The following EPHA3 variants were observed in gnomAD, a reference collection of about 807,000 sequenced individuals.
EPHA3 encodes the protein EPH receptor A3.
EPHA3 carries 42 observed loss-of-function variants against 107.1 expected under a neutral mutation model. That is an observed-to-expected ratio of 0.39 (90% CI 0.31 to 0.51). The LOEUF (loss-of-function observed/expected upper bound fraction) is 0.51. Ranked by LOEUF, EPHA3 falls within the 20% of genes least tolerant of loss-of-function variation. The pLI, the probability that EPHA3 is intolerant of heterozygous loss-of-function variation, is 0.78. For synonymous variants in EPHA3, 461 were observed against 424.8 expected, an observed-to-expected ratio of 1.09 and a Z score of -1.05; for missense variants, 1,183 against 1,211.2, an observed-to-expected ratio of 0.98 and a Z score of 0.35.
intron 2 of EPHA3, among the ~76,000 whole-genome samples, chr3:89,208,477 A>AGAAACAAG (rs1706179108): frequency 7.5e-6 from 1 of 133,286 alleles, no homozygotes; most frequent in African/African-American, 2.9e-5. Context: ...AAAGAAAGAA[A>AGAAACAAG]GAAAGAGAAA....
At chr3:89,121,625 C>T (rs1310422543) in intron 1 of EPHA3, among the ~76,000 whole-genome samples, 3 of 151,932 alleles carry the variant, frequency 2.0e-5, no homozygotes, top group African/African-American at 7.3e-5. Flanking sequence ...GGTGTGGTGG[C>T]ACACGCCTGT....
rs1057099291 is a variant in EPHA3, at chr3:89,130,928, G to A, written c.153+3655G>A. On this transcript the variant is annotated intron_variant, in intron 2 of 16. Coordinates refer to ENST00000336596, the MANE Select transcript of EPHA3 (RefSeq NM_005233.6). ...TGGGATTACAGGCGTGAGACACCGC[G>A]CCCGGTCCCTATCTCCATTTTTAAA... is the stretch of plus-strand genomic sequence containing the variant. 9.9e-5 allele frequency among the ~76,000 whole-genome samples: 15 copies of A among 152,242 alleles called. 1 individual carries two copies. Among genetic ancestry groups the A allele is most frequent in the Non-Finnish European group, 1.5e-5 (1 of 68,014 alleles).
intron 13 of EPHA3, among the ~76,000 whole-genome samples, chr3:89,440,716 G>C (rs1391400350): frequency 6.6e-6 from 1 of 152,200 alleles, no homozygotes; most frequent in Non-Finnish European, 1.5e-5. Context: ...CAAGGTTTTA[G>C]ACTCTCAACT....
At chr3:89,350,493 T>C (rs1707784012) in intron 5 of EPHA3, among the ~76,000 whole-genome samples, 1 of 151,068 alleles carries the variant, frequency 6.6e-6, no homozygotes, top group East Asian at 1.9e-4. Context: ...CTTCTCTGTA[T>C]TGGTTATTCT....
At chr3:89,416,831 T>C (rs2107525085) in intron 10 of EPHA3, among the ~76,000 whole-genome samples, 1 of 151,606 alleles carries the variant, frequency 6.6e-6, no homozygotes, top group South Asian at 2.1e-4. Context: ...AGAACACTCT[T>C]AATTGGCTCA....
At chr3:89,383,749 C>T (rs1379177439) in intron 5 of EPHA3, among the ~76,000 whole-genome samples, 1 of 148,062 alleles carries the variant, frequency 6.8e-6, no homozygotes, top group Non-Finnish European at 1.5e-5. Flanking sequence ...CCCGGGTTCA[C>T]GTCATTCTCC....
intron 11 of EPHA3, among the ~76,000 whole-genome samples, chr3:89,427,408 C>A (rs1709480597): frequency 6.6e-6 from 1 of 151,746 alleles, no homozygotes; most frequent in Admixed American, 6.6e-5. Flanking sequence ...GGCAAACTAA[C>A]CTCATGATAA....
At chr3:89,186,140 T>A (rs1210164784) in intron 2 of EPHA3, among the ~76,000 whole-genome samples, 1 of 151,958 alleles carries the variant, frequency 6.6e-6, no homozygotes, top group Non-Finnish European at 1.5e-5. Flanking sequence ...TAAATTATAG[T>A]CTTACATTCA....
chr3:89,171,894 T>C (rs1705217471), intron 2 of EPHA3, among the ~76,000 whole-genome samples: 1 of 152,162 alleles, frequency 6.6e-6, no homozygotes, highest in Non-Finnish European at 1.5e-5. Flanking sequence ...TAGCGGGTCA[T>C]TGTGTAAGCC....
chr3:89,220,451 G>A (rs1401792339), intron 3 of EPHA3, among the ~76,000 whole-genome samples: 1 of 152,184 alleles, frequency 6.6e-6, no homozygotes, highest in Non-Finnish European at 1.5e-5. Flanking sequence ...ATAGTGACAT[G>A]AAGATGGATA....
At chr3:89,139,956 A>C (rs545194476) in intron 2 of EPHA3, among the ~76,000 whole-genome samples, 1 of 151,978 alleles carries the variant, frequency 6.6e-6, no homozygotes, top group African/African-American at 2.4e-5. Context: ...ATCTGGAGAC[A>C]CAGCAGACAA....
chr3:89,296,759 C>T (rs1706363439), intron 3 of EPHA3, among the ~76,000 whole-genome samples: 1 of 152,164 alleles, frequency 6.6e-6, no homozygotes, highest in Non-Finnish European at 1.5e-5. Flanking sequence ...CTGTGAAAGT[C>T]TCAGATGGTA....
intron 3 of EPHA3, among the ~76,000 whole-genome samples, chr3:89,294,125 C>G (rs1417341950): frequency 1.3e-5 from 2 of 151,996 alleles, no homozygotes; most frequent in African/African-American, 2.4e-5. Context: ...TTCTCCTAAC[C>G]CAAAGTGACA....
At chr3:89,446,498 C>T (rs1459674296) in intron 13 of EPHA3, among the ~76,000 whole-genome samples, 1 of 152,118 alleles carries the variant, frequency 6.6e-6, no homozygotes, top group Non-Finnish European at 1.5e-5. Context: ...AATGAAACAA[C>T]TCTTCTGTGT....
chr3:89,120,801 A>G lies in EPHA3; in HGVS notation c.89-6408A>G, dbSNP rs563921333. On this transcript the variant is annotated intron_variant, in intron 1 of 16. Coordinates refer to ENST00000336596, the MANE Select transcript of EPHA3 (RefSeq NM_005233.6). ...TTCTATAAGATCTTTATAGAAATAA[A>G]TCCAAAATTATTGCCCAGGAGAAAA... 1.2e-3 allele frequency among the ~76,000 whole-genome samples: 176 copies of G among 152,320 alleles called. 2 individuals carry two copies. Among genetic ancestry groups the G allele is most frequent in the African/African-American group, 4.0e-3 (165 of 41,586 alleles).
chr3:89,389,123 C>A (rs1035220711), intron 5 of EPHA3, among the ~76,000 whole-genome samples: 2 of 152,064 alleles, frequency 1.3e-5, no homozygotes, highest in African/African-American at 4.8e-5. Context: ...GGATACACTG[C>A]AAATTGATAA....
chr3:89,232,476 A>C lies in EPHA3; in HGVS notation c.814+21956A>C, dbSNP rs553650107. 2.0e-5 allele frequency among the ~76,000 whole-genome samples: 3 copies of C among 152,292 alleles called. No individual in the cohort carries two copies. In the South Asian group the frequency reaches 6.2e-4, roughly 32 times the overall value. On this transcript the variant is annotated intron_variant, in intron 3 of 16. Transcript: ENST00000336596. ...TATGTTGGAAACAGAAAGGTGTCAG[A>C]GTCTTCAAATAATTTTTAGGAGAAT...
chr3:89,314,910 A>G (rs1706857665), intron 3 of EPHA3, among the ~76,000 whole-genome samples: 1 of 151,930 alleles, frequency 6.6e-6, no homozygotes, highest in African/African-American at 2.4e-5. Context: ...GAATGTACTT[A>G]CACAAACCTA....
chr3:89,400,198 T>C (rs1407234586), intron 7 of EPHA3: 5 of 435,896 alleles, frequency 1.1e-5, no homozygotes, highest in Non-Finnish European at 1.5e-5. Flanking sequence ...CTTTCTTTTT[T>C]TTTTTTTTTT....
Sources: gnomAD v4.1 joint callset for allele counts (sites outside exome capture counted in the v4.1 genomes callset) on GRCh38, gnomAD v4.1.1 for gene constraint, MANE v1.5 for transcripts, NCBI Gene and HGNC (gene_info 2026-07-23, HGNC 2026-07-21) for gene names.